The following LIPC variants were observed in gnomAD, a reference collection of about 807,000 sequenced individuals.
The protein encoded by LIPC is hepatic triacylglycerol lipase.
LIPC carries 44 observed loss-of-function variants against 50.7 expected under a neutral mutation model. The ratio of observed to expected loss-of-function variants is 0.87; its 90% CI spans 0.68 to 1.11. The LOEUF (loss-of-function observed/expected upper bound fraction) is 1.11. Among genes scored for constraint, LIPC ranks in the 50% most tolerant of loss-of-function variants. The pLI is 0.00. For missense variants in LIPC, 697 were observed against 648.2 expected, an observed-to-expected ratio of 1.08 and a Z score of -0.82; for synonymous variants, 271 against 256.4, an observed-to-expected ratio of 1.06 and a Z score of -0.54.
At chr15:58,563,998 A>C (rs1418230224) in intron 8 of LIPC, 5 of 477,322 alleles carry the variant, frequency 1.0e-5, no homozygotes, top group East Asian at 4.2e-5. Context: ...GGACCATCAC[A>C]CGAACCCCAG....
At chr15:58,466,485 A>G (rs1394635632) in intron 1 of LIPC, among the ~76,000 whole-genome samples, 1 of 152,236 alleles carries the variant, frequency 6.6e-6, no homozygotes, top group Non-Finnish European at 1.5e-5. Flanking sequence ...AAATCCATCA[A>G]TAGATCACAT....
intron 1 of LIPC, among the ~76,000 whole-genome samples, chr15:58,500,756 C>G (rs1319883716): frequency 2.7e-5 from 4 of 146,072 alleles, no homozygotes; most frequent in East Asian, 2.1e-4. Context: ...CCTCTCCCCC[C>G]ACCACCCCCC....
At position 58,538,443 on chromosome 15, in the gene LIPC, A is replaced by C; in HGVS notation, c.199A>C (p.Asn67His). ...ETNQGCQIRI[N>H]HPDTLQECGF... ...CAATCAGGGCTGTCAGATTCGAATC[A>C]ATCATCCGGACACGTTACAGGAGTG... Residue 67 changes from asparagine (N) to histidine (H), a missense_variant, in exon 2 of 9, where the codon AAT becomes CAT. Coordinates refer to ENST00000299022, the MANE Select transcript of LIPC (RefSeq NM_000236.3). The C allele has an allele frequency of 6.2e-7, 1 of 1,614,188 alleles. No homozygotes were observed. Among genetic ancestry groups the C allele is most frequent in the Non-Finnish European group, 8.5e-7 (1 of 1,180,032 alleles).
At chr15:58,503,188 G>A (rs1188227750) in intron 1 of LIPC, among the ~76,000 whole-genome samples, 2 of 152,156 alleles carry the variant, frequency 1.3e-5, no homozygotes, top group African/African-American at 2.4e-5. Context: ...GGAAACTGAG[G>A]TGCAGAAAAG....
In LIPC at chr15:58,509,544, A is replaced by T. The variant is rs7168302; in HGVS notation, c.89-28789A>T. On this transcript the variant is annotated intron_variant, in intron 1 of 8. Coordinates refer to ENST00000299022, the MANE Select transcript of LIPC (RefSeq NM_000236.3). ...CGTGCTAACCTAATAGGTGTTCAGT[A>T]AATAAATATAATTTTCTATTTTTCC... is the stretch of plus-strand genomic sequence containing the variant. Among the ~76,000 whole-genome samples the T allele has an allele frequency of 6.0e-3, 919 of 152,352 alleles. 8 individuals are homozygous for T. Among genetic ancestry groups the T allele is most frequent in the African/African-American group, 0.021 (876 of 41,582 alleles).
intron 6 of LIPC, among the ~76,000 whole-genome samples, chr15:58,549,514 T>G (rs1292853922): frequency 1.3e-5 from 2 of 152,196 alleles, no homozygotes; most frequent in Admixed American, 1.3e-4. Flanking sequence ...CAGGGCTGGT[T>G]ATTATCCCAT....
At chr15:58,456,227 T>A (rs1388273958) in intron 1 of LIPC, 1 of 151,440 alleles carries the variant, frequency 6.6e-6, no homozygotes. Flanking sequence ...TGTAATGGCA[T>A]GGAAACATGC....
intron 1 of LIPC, among the ~76,000 whole-genome samples, chr15:58,504,331 A>C (rs1416160326): frequency 6.6e-6 from 1 of 152,242 alleles, no homozygotes; most frequent in African/African-American, 2.4e-5. Flanking sequence ...TTCTGAATTT[A>C]TCTTTATTAT....
chr15:58,560,793 A>T (rs1359004227), intron 6 of LIPC, 71 bp from the exon 7 acceptor site: 2 of 732,742 alleles, frequency 2.7e-6, no homozygotes, highest in African/African-American at 3.5e-5. Flanking sequence ...ATTTTAAGAA[A>T]TAAGAGATTT....
chr15:58,460,477 G>A lies in LIPC; in HGVS notation c.88+28357G>A, dbSNP rs187135864. Among the ~76,000 whole-genome samples, 25 of 152,324 alleles carry A rather than the reference G, an allele frequency of 1.6e-4. No individual in the cohort carries two copies. The South Asian group carries it at 2.9e-3, about 18-fold the overall frequency. On this transcript the variant is annotated intron_variant, in intron 1 of 8. Transcript: ENST00000299022. ...GAGTAGCCTTCAACATCTCAGCCTC[G>A]TACTGCGTGCCAGACACTCTACCAA...
At position 58,442,451 on chromosome 15, in the gene LIPC, C is replaced by A. The variant is rs141435010; in HGVS notation, c.88+10331C>A. Among the ~76,000 whole-genome samples the A allele has an allele frequency of 9.5e-3, 1,450 of 152,316 alleles. 22 individuals carry two copies. The highest frequency in any genetic ancestry group is 0.033 in the African/African-American group (1,385 of 41,552). Reference sequence around the variant, plus strand: ...CCCTTATGCCATTTCTTGCCCGGAACTGTTTTATTCAGGGCCTGACATGCA... The same window carrying A: ...CCCTTATGCCATTTCTTGCCCGGAAATGTTTTATTCAGGGCCTGACATGCA... On this transcript the variant is annotated intron_variant, in intron 1 of 8. Transcript: ENST00000299022.
intron 1 of LIPC, among the ~76,000 whole-genome samples, chr15:58,478,454 G>A (rs534316258): frequency 1.3e-5 from 2 of 152,098 alleles, no homozygotes; most frequent in African/African-American, 4.8e-5. Context: ...GGCCAGGCTG[G>A]TCTCGAGCTC....
intron 4 of LIPC, 33 bp from the exon 5 acceptor site, chr15:58,545,709 C>G: frequency 1.3e-6 from 2 of 1,580,092 alleles, no homozygotes; most frequent in Non-Finnish European, 8.7e-7. Context: ...TCTCCTTGCT[C>G]CTGCGTAACC....
chr15:58,468,837 G>T (rs1894672668), intron 1 of LIPC, among the ~76,000 whole-genome samples: 1 of 152,158 alleles, frequency 6.6e-6, no homozygotes, highest in Non-Finnish European at 1.5e-5. Context: ...AAGGGTTTAT[G>T]TGTTTAACAA....
intron 1 of LIPC, among the ~76,000 whole-genome samples, chr15:58,499,761 G>A (rs145306814): frequency 6.6e-6 from 1 of 152,318 alleles, no homozygotes; most frequent in East Asian, 1.9e-4. Context: ...AAACAAGTTG[G>A]ATTGTCATAA....
intron 8 of LIPC, among the ~76,000 whole-genome samples, chr15:58,567,095 G>A (rs1213837576): frequency 2.0e-5 from 3 of 151,136 alleles, no homozygotes; most frequent in Admixed American, 6.6e-5. Flanking sequence ...CCAGCTACTC[G>A]GGAGGCTGAG....
chr15:58,551,016 T>C (rs1158532969), intron 6 of LIPC, among the ~76,000 whole-genome samples: 1 of 146,870 alleles, frequency 6.8e-6, no homozygotes, highest in Admixed American at 6.9e-5. Context: ...TTTGTATTTT[T>C]AGTAGAGACG....
chr15:58,561,801 C>T (rs1894173233), intron 7 of LIPC, among the ~76,000 whole-genome samples: 1 of 152,126 alleles, frequency 6.6e-6, no homozygotes, highest in African/African-American at 2.4e-5. Flanking sequence ...GTCTTAAAAT[C>T]TGGGTTTTAA....
chr15:58,566,325 C>A (rs1211703609), intron 8 of LIPC: 19 of 985,322 alleles, frequency 1.9e-5, no homozygotes, highest in Non-Finnish European at 2.3e-5. Context: ...CTGGCAGGAT[C>A]GGATGGACTC....
Sources: allele counts gnomAD v4.1 joint callset (sites outside exome capture counted in the v4.1 genomes callset), GRCh38; gene constraint gnomAD v4.1.1; transcripts MANE v1.5; gene names NCBI Gene and HGNC (gene_info 2026-07-23, HGNC 2026-07-21).